The following PSG8 variants were observed in gnomAD, a reference collection of about 807,000 sequenced individuals.
The protein encoded by PSG8 is pregnancy specific beta-1-glycoprotein 8, also known as pregnancy-specific beta-1-glycoprotein 8.
Under a neutral mutation model 42.5 loss-of-function variants are expected in PSG8, and 57 were observed. The ratio of observed to expected loss-of-function variants is 1.34; its 90% CI spans 1.08 to 1.67. PSG8 has a LOEUF of 1.67. Ranked by LOEUF, PSG8 falls within the 40% of genes most tolerant of loss-of-function variation. The pLI is 0.00. For synonymous variants in PSG8, 280 were observed against 196.8 expected, an observed-to-expected ratio of 1.42 and a Z score of -3.54; for missense variants, 783 against 518.6, an observed-to-expected ratio of 1.51 and a Z score of -4.95.
intron 4 of PSG8, 102 bp from the exon 5 acceptor site, chr19:42,754,689 C>G: frequency 7.1e-7 from 1 of 1,414,624 alleles, no homozygotes; most frequent in South Asian, 1.4e-5. Flanking sequence ...AAGACACACC[C>G]TCAAGTCCCA....
At position 42,754,254 on chromosome 19, in the gene PSG8, A is replaced by T; in HGVS notation, c.*41T>A. 6.2e-7 allele frequency: 1 copy of T among 1,603,028 alleles called. No individual in the cohort carries two copies. The highest frequency in any genetic ancestry group is 8.5e-7 in the Non-Finnish European group (1 of 1,174,624). ...CATGGGACGCAGGCTGGGAATAAAA[A>T]TGTTTTCCTGACTCTTCCCTGAAGG... is the stretch of plus-strand genomic sequence containing the variant. On this transcript the variant is annotated 3_prime_UTR_variant, in exon 5 of 5. Transcript: ENST00000306511.
In PSG8 at chr19:42,755,033, G is replaced by T. The variant is rs768287272; in HGVS notation, c.943C>A (p.Gln315Lys). ...GGGTAACTGCGGATGCCACCATATTGGTCCCTTATTTCACATTGATAGGGT... is the reference window on the plus strand; with the variant it reads ...GGGTAACTGCGGATGCCACCATATTTGTCCCTTATTTCACATTGATAGGGT... ...TGPYQCEIRD[Q>K]YGGIRSYPVT... is the part of the protein sequence containing the mutation. Residue 315 changes from glutamine (Q) to lysine (K), a missense_variant, in exon 4 of 5, where the codon CAA (glutamine) becomes AAA (lysine). Gln to Lys is a moderately conservative substitution (Grantham distance 53). Transcript: ENST00000306511. The T allele has an allele frequency of 1.4e-5, 23 of 1,610,956 alleles. No individual in the cohort carries two copies. Among genetic ancestry groups the T allele is most frequent in the Admixed American group, 3.3e-5 (2 of 59,894 alleles).
chr19:42,760,862 C>A (rs1157454559), intron 2 of PSG8, among the ~76,000 whole-genome samples: 1 of 152,150 alleles, frequency 6.6e-6, no homozygotes, highest in African/African-American at 2.4e-5. Flanking sequence ...TAGGTGTGAG[C>A]CACTGTGCCC....
At position 42,763,741 on chromosome 19, in the gene PSG8, C is replaced by T. The variant is rs2122282054; in HGVS notation, c.430+175G>A. On this transcript the variant is annotated intron_variant, in intron 2 of 4. Transcript: ENST00000306511. ...AGGGTCTGGATGCGGGAAAGGAATT[C>T]TGATCTGTTGAAATTTGTCTCCTCT... 1.2e-5 allele frequency: 16 copies of T among 1,285,000 alleles called. 1 individual carries two copies. In the South Asian group the frequency reaches 1.5e-4, roughly 12 times the overall value. The allele number at this position is 1,285,000 out of a possible 1,614,324, so 79.6% of individuals were successfully genotyped here.
In PSG8 at chr19:42,755,091, G is replaced by T. The variant is rs1427058111; in HGVS notation, c.885C>A (p.Leu295=). ...CATTTCTCGTGACACTGGGTAGAATGAGGATCCTGTTTTCAATGGGTCGCT... is the reference window on the plus strand; with the variant it reads ...CATTTCTCGTGACACTGGGTAGAATTAGGATCCTGTTTTCAATGGGTCGCT... ...RVKRPIENRI[L]ILPSVTRNET... is the part of the protein sequence containing the mutation. Residue 295 remains leucine, a synonymous_variant, in exon 4 of 5, where the codon CTC becomes CTA. Transcript: ENST00000306511. The T allele has an allele frequency of 5.6e-6, 9 of 1,612,078 alleles. No homozygotes were observed. The highest frequency in any genetic ancestry group is 7.6e-6 in the Non-Finnish European group (9 of 1,179,798).
chr19:42,760,305 G>T (rs1346635688), intron 2 of PSG8, among the ~76,000 whole-genome samples: 1 of 152,056 alleles, frequency 6.6e-6, no homozygotes, highest in Non-Finnish European at 1.5e-5. Context: ...CACCCACCTG[G>T]CCACCTCCAA....
At chr19:42,755,306 C>A (rs569642587) in intron 3 of PSG8, 40 bp from the exon 4 acceptor site, 1 of 1,590,406 alleles carries the variant, frequency 6.3e-7, no homozygotes, top group African/African-American at 1.3e-5. Flanking sequence ...TGTGTGGCAC[C>A]TTTGATTCCT....
chr19:42,754,269 T>A lies in PSG8; in HGVS notation c.*26A>T, dbSNP rs1405856009. 6 of 1,607,872 alleles carry A rather than the reference T, an allele frequency of 3.7e-6. No individual in the cohort carries two copies. Among genetic ancestry groups the A allele is most frequent in the Non-Finnish European group, 5.1e-6 (6 of 1,176,970 alleles). On this transcript the variant is annotated 3_prime_UTR_variant, in exon 5 of 5. Transcript: ENST00000306511. ...GGGAATAAAAATGTTTTCCTGACTCTTCCCTGAAGGCCAGATAGACTCCAC... is the reference window on the plus strand; with the variant it reads ...GGGAATAAAAATGTTTTCCTGACTCATCCCTGAAGGCCAGATAGACTCCAC...
rs148417392 is a variant in PSG8 at position 42,758,916 on chromosome 19, A to C, written c.431-636T>G. 9.0e-3 allele frequency: 1,430 copies of C among 158,534 alleles called. 32 individuals are homozygous for C. The highest frequency in any genetic ancestry group is 0.033 in the African/African-American group (1,351 of 41,554). 9.8% of individuals were successfully genotyped at this position (158,534 alleles called of 1,614,324 possible). ...GCTGACTTGAGCCAGTGACCTCTAA[A>C]GATAGAGCAGAGTCCAAGGAATGAC... On this transcript the variant is annotated intron_variant, in intron 2 of 4. Coordinates refer to ENST00000306511, the MANE Select transcript of PSG8 (RefSeq NM_182707.3).
intron 1 of PSG8, 56 bp downstream of exon 1, chr19:42,765,462 C>T (rs1486741741): frequency 1.2e-6 from 2 of 1,602,384 alleles, no homozygotes; most frequent in Non-Finnish European, 8.5e-7. Context: ...CAAGGAGACC[C>T]CATCCAGTCA....
At position 42,764,099 on chromosome 19, in the gene PSG8, C is replaced by T. The variant is rs7255518; in HGVS notation, c.247G>A (p.Val83Ile). 719 of 1,613,806 alleles carry T rather than the reference C, an allele frequency of 4.5e-4. 4 individuals carry two copies. In the African/African-American group the frequency reaches 8.6e-3, roughly 19 times the overall value. Reference sequence around the variant, plus strand: ...TATATAATTATTTGACCGTCTACTACATATGATGTAATGTAATGGTAGAGG... The same window carrying T: ...TATATAATTATTTGACCGTCTACTATATATGATGTAATGTAATGGTAGAGG... ...RDLYHYITSY[V>I]VDGQIIIYGP... Residue 83 changes from valine to isoleucine, a missense_variant, in exon 2 of 5, where the codon GTA (valine) becomes ATA (isoleucine). Transcript: ENST00000306511.
At chr19:42,756,228 C>T (rs570580103) in intron 3 of PSG8, 1 of 152,154 alleles carries the variant, frequency 6.6e-6, no homozygotes, top group South Asian at 2.1e-4. Context: ...CTCTGATTCC[C>T]TGGATTCGAC....
chr19:42,758,321 T>A, intron 2 of PSG8, 41 bp from the exon 3 acceptor site: 1 of 1,594,182 alleles, frequency 6.3e-7, no homozygotes, highest in Non-Finnish European at 8.6e-7. Flanking sequence ...GTGTGGCACC[T>A]TTGATTCCTC....
At chr19:42,754,936 C>G (rs1306806772) in intron 4 of PSG8, 52 bp downstream of exon 4, 8 of 1,575,688 alleles carry the variant, frequency 5.1e-6, no homozygotes, top group Non-Finnish European at 6.9e-6. Context: ...GGCCTCTGGT[C>G]GTTTTGATTT....
chr19:42,753,427 A>G, downstream of PSG8: 3 of 776,636 alleles, frequency 3.9e-6, no homozygotes, highest in Non-Finnish European at 7.2e-6. Context: ...ATGCAATCTC[A>G]TAACAGGTGT....
At chr19:42,756,459 G>A (rs1969929696) in intron 3 of PSG8, among the ~76,000 whole-genome samples, 1 of 151,998 alleles carries the variant, frequency 6.6e-6, no homozygotes, top group African/African-American at 2.4e-5. Context: ...AAAGTGTTTT[G>A]GATTTCTGAC....
downstream of PSG8, chr19:42,753,032 T>C: frequency 1.8e-6 from 1 of 562,152 alleles, no homozygotes; most frequent in Non-Finnish European, 3.2e-6. Context: ...TGCATTATCC[T>C]GCCAAGTGAA....
chr19:42,754,226 G>C (rs1217422397), downstream of PSG8: 5 of 1,584,286 alleles, frequency 3.2e-6, no homozygotes, highest in Non-Finnish European at 4.3e-6. Flanking sequence ...ATTTGCTTGT[G>C]CCCATGGGAC....
chr19:42,755,152 A>G lies in PSG8; in HGVS notation c.824T>C (p.Leu275Pro), dbSNP rs752468754. Residue 275 changes from leucine (L) to proline (P), a missense_variant, in exon 4 of 5, where the codon CTA becomes CCA. Leu to Pro is a moderately conservative substitution (Grantham distance 98). Transcript: ENST00000306511. Reference protein sequence around the residue: ...KSENYTYIWWLNGQSLPVSPR... With the variant: ...KSENYTYIWWPNGQSLPVSPR... ...ACTGACCGGGAGGCTCTGACCATTT[A>G]GCCACCAAATGTAGGTGTAGTTCTC... 4 of 1,611,916 alleles carry G rather than the reference A, an allele frequency of 2.5e-6. No homozygotes were observed. The East Asian group carries it at 6.7e-5, about 27-fold the overall frequency.
Sources: allele counts gnomAD v4.1 joint callset (sites outside exome capture counted in the v4.1 genomes callset), GRCh38; gene constraint gnomAD v4.1.1; transcripts MANE v1.5; gene names NCBI Gene and HGNC (gene_info 2026-07-23, HGNC 2026-07-21).